The following TAFA4 variants were observed in gnomAD, a reference collection of about 807,000 sequenced individuals.
TAFA4 encodes chemokine-like protein TAFA-4.
In TAFA4, 20 loss-of-function variants were observed where a neutral mutation model predicts 21.1. The ratio of observed to expected loss-of-function variants is 0.95; its 90% CI spans 0.67 to 1.38. The LOEUF is 1.38. Ranked by LOEUF, TAFA4 falls within the 40% of genes most tolerant of loss-of-function variation. TAFA4 has a pLI of 0.00. For missense variants in TAFA4, 211 were observed against 180.9 expected, an observed-to-expected ratio of 1.17 and a Z score of -0.95; for synonymous variants, 71 against 67.4, an observed-to-expected ratio of 1.05 and a Z score of -0.26.
chr3:68,764,916 G>A (rs73106741), intron 3 of TAFA4, among the ~76,000 whole-genome samples: 1,721 of 152,202 alleles, frequency 0.011, 20 homozygotes, highest in Middle Eastern at 0.031. Flanking sequence ...GCCCTTCACT[G>A]ACATCCTCCC....
rs115095300 is a variant in TAFA4, at chr3:68,826,626, A to C, written c.130+54104T>G. Among the ~76,000 whole-genome samples, 672 of 152,242 alleles carry C rather than the reference A, an allele frequency of 4.4e-3. 4 individuals carry two copies. The highest frequency in any genetic ancestry group is 0.031 in the Middle Eastern group (9 of 294). ...GAAAGATATTATGCAAAATAAGTAA[A>C]ATAATATAAGTGAGCATGCATAAAT... is the stretch of plus-strand genomic sequence containing the variant. On this transcript the variant is annotated intron_variant, in intron 3 of 5. Transcript: ENST00000295569.
chr3:68,772,772 A>G (rs1012888355), intron 3 of TAFA4, among the ~76,000 whole-genome samples: 9 of 152,028 alleles, frequency 5.9e-5, no homozygotes, highest in African/African-American at 1.4e-4. Flanking sequence ...CAGCTTGCAG[A>G]CTGCCTGTCA....
chr3:68,806,829 T>C (rs991212002), intron 3 of TAFA4, among the ~76,000 whole-genome samples: 14 of 151,242 alleles, frequency 9.3e-5, no homozygotes, highest in African/African-American at 2.5e-5. Flanking sequence ...AATCTGACCA[T>C]GCTAGAACCT....
At chr3:68,802,987 G>C (rs1362752142) in intron 3 of TAFA4, among the ~76,000 whole-genome samples, 3 of 152,204 alleles carry the variant, frequency 2.0e-5, no homozygotes, top group African/African-American at 7.2e-5. Context: ...CAATCCAAGA[G>C]AGAACTCTCA....
chr3:68,920,758 G>A (rs2090053005), intron 1 of TAFA4, among the ~76,000 whole-genome samples: 1 of 151,366 alleles, frequency 6.6e-6, no homozygotes, highest in African/African-American at 2.4e-5. Flanking sequence ...AGCCTAAGTG[G>A]CTGTAATAAC....
chr3:68,809,543 G>A (rs555321771), intron 3 of TAFA4, among the ~76,000 whole-genome samples: 39 of 95,150 alleles, frequency 4.1e-4, no homozygotes, highest in African/African-American at 1.1e-3. Context: ...TTTTTTTGCC[G>A]TGCAGAAGTT....
At chr3:68,779,528 G>A (rs1394282764) in intron 3 of TAFA4, among the ~76,000 whole-genome samples, 2 of 152,154 alleles carry the variant, frequency 1.3e-5, no homozygotes, top group Non-Finnish European at 2.9e-5. Flanking sequence ...TAGGGACTTA[G>A]TGCCCTGCAT....
At chr3:68,931,118 A>G (rs1041448317) in intron 1 of TAFA4, among the ~76,000 whole-genome samples, 2 of 152,194 alleles carry the variant, frequency 1.3e-5, no homozygotes, top group Admixed American at 1.3e-4. Flanking sequence ...TATGCCAAGG[A>G]TATTAGAGAC....
chr3:68,789,722 A>C (rs1238194651), intron 3 of TAFA4, among the ~76,000 whole-genome samples: 1 of 152,174 alleles, frequency 6.6e-6, no homozygotes, highest in Non-Finnish European at 1.5e-5. Flanking sequence ...ACTGCCATGT[A>C]ATTAGTTTCA....
chr3:68,844,708 G>A (rs1327153546), intron 3 of TAFA4, among the ~76,000 whole-genome samples: 1 of 152,138 alleles, frequency 6.6e-6, no homozygotes, highest in African/African-American at 2.4e-5. Context: ...AGAGATTCTG[G>A]AATGTTGTGT....
intron 3 of TAFA4, among the ~76,000 whole-genome samples, chr3:68,872,965 T>A (rs1304736109): frequency 6.6e-6 from 1 of 152,166 alleles, no homozygotes; most frequent in Non-Finnish European, 1.5e-5. Flanking sequence ...GAACAGCTCC[T>A]TGGTAAATAT....
chr3:68,747,948 C>T (rs1393785214), intron 4 of TAFA4, among the ~76,000 whole-genome samples: 3 of 152,148 alleles, frequency 2.0e-5, no homozygotes, highest in African/African-American at 4.8e-5. Flanking sequence ...GCCCCACTCA[C>T]TCTCATATGC....
At chr3:68,903,898 C>G (rs1040691502) in intron 1 of TAFA4, among the ~76,000 whole-genome samples, 2 of 152,074 alleles carry the variant, frequency 1.3e-5, no homozygotes, top group Non-Finnish European at 2.9e-5. Context: ...ATCACAGCTG[C>G]CTCCTCCCTC....
At chr3:68,815,016 T>C (rs1224992870) in intron 3 of TAFA4, among the ~76,000 whole-genome samples, 1 of 152,138 alleles carries the variant, frequency 6.6e-6, no homozygotes, top group Non-Finnish European at 1.5e-5. Flanking sequence ...GCCACATATC[T>C]ATAACTATCT....
intron 3 of TAFA4, among the ~76,000 whole-genome samples, chr3:68,816,499 C>A (rs1033740247): frequency 4.6e-5 from 7 of 152,128 alleles, no homozygotes; most frequent in African/African-American, 1.7e-4. Context: ...TTCTTGATTT[C>A]TTTTCCGATG....
chr3:68,825,871 G>C (rs1704216225), intron 3 of TAFA4, among the ~76,000 whole-genome samples: 1 of 152,174 alleles, frequency 6.6e-6, no homozygotes, highest in Non-Finnish European at 1.5e-5. Flanking sequence ...GATGTGAAGA[G>C]GGAATAAGTA....
intron 3 of TAFA4, among the ~76,000 whole-genome samples, chr3:68,871,256 C>T (rs768569110): frequency 2.0e-5 from 3 of 152,090 alleles, no homozygotes; most frequent in South Asian, 2.1e-4. Context: ...CACATGCACA[C>T]GAATGTTTAT....
intron 3 of TAFA4, among the ~76,000 whole-genome samples, chr3:68,817,274 C>T (rs888668264): frequency 1.2e-4 from 19 of 152,294 alleles, no homozygotes; most frequent in South Asian, 2.1e-4. Flanking sequence ...ACCCCTCATC[C>T]GCTAATTTTA....
intron 3 of TAFA4, among the ~76,000 whole-genome samples, chr3:68,756,827 C>T (rs1233392980): frequency 2.0e-5 from 3 of 152,078 alleles, no homozygotes; most frequent in Non-Finnish European, 4.4e-5. Flanking sequence ...TAGTTGTATA[C>T]AATTGTAAAA....
Sources: gnomAD v4.1 joint callset for allele counts (sites outside exome capture counted in the v4.1 genomes callset) on GRCh38, gnomAD v4.1.1 for gene constraint, MANE v1.5 for transcripts, NCBI Gene and HGNC (gene_info 2026-07-23, HGNC 2026-07-21) for gene names.